ROBO2: variants seen among roughly 807,000 people sequenced by gnomAD.
ROBO2 encodes the protein roundabout homolog 2.
ROBO2 carries 53 observed loss-of-function variants against 160.8 expected under a neutral mutation model. The ratio of observed to expected loss-of-function variants is 0.33; its 90% CI spans 0.26 to 0.41. ROBO2 has a LOEUF of 0.41. Among genes scored for constraint, ROBO2 ranks in the 10% least tolerant of loss-of-function variants. ROBO2 has a pLI of 1.00. For synonymous variants in ROBO2, 664 were observed against 611.7 expected (o/e 1.09, Z -1.26); for missense variants, 1,577 against 1,722.4 (o/e 0.92, Z 1.49).
At chr3:77,648,269 C>T (rs1007222424) in exon 26 of ROBO2, 3 of 152,094 alleles carry the variant, frequency 2.0e-5, no homozygotes, top group African/African-American at 7.2e-5. Flanking sequence ...TTTGTGTTCC[C>T]TCTTTATGTT....
intron 2 of ROBO2, among the ~76,000 whole-genome samples, chr3:76,764,144 T>C (rs1211438730): frequency 1.3e-5 from 2 of 151,716 alleles, no homozygotes; most frequent in Non-Finnish European, 3.0e-5. Flanking sequence ...CTTTGAGAAT[T>C]AGAATATAGA....
At chr3:77,276,809 C>T (rs2059859213) in intron 2 of ROBO2, among the ~76,000 whole-genome samples, 1 of 152,140 alleles carries the variant, frequency 6.6e-6, no homozygotes, top group Non-Finnish European at 1.5e-5. Context: ...GGAGACCTCA[C>T]AATCATGGCA....
intron 2 of ROBO2, among the ~76,000 whole-genome samples, chr3:76,567,294 T>C (rs2084589542): frequency 6.6e-6 from 1 of 152,122 alleles, no homozygotes; most frequent in Non-Finnish European, 1.5e-5. Flanking sequence ...TTACGAGCAT[T>C]CTATTTTGTG....
intron 23 of ROBO2, chr3:77,629,282 T>G (rs953738431): frequency 2.0e-5 from 3 of 152,140 alleles, no homozygotes; most frequent in Non-Finnish European, 4.4e-5. Context: ...ATTTCTTTAG[T>G]GATGCTACCG....
At chr3:76,642,105 T>A (rs1014857530) in intron 2 of ROBO2, among the ~76,000 whole-genome samples, 1 of 152,094 alleles carries the variant, frequency 6.6e-6, no homozygotes, top group African/African-American at 2.4e-5. Context: ...TTAAAATTAT[T>A]TCCAAACTAA....
At chr3:76,107,836 C>G (rs2070017037) in intron 2 of ROBO2, among the ~76,000 whole-genome samples, 1 of 151,974 alleles carries the variant, frequency 6.6e-6, no homozygotes, top group Admixed American at 6.6e-5. Flanking sequence ...ATTAGAAACT[C>G]AAAGTTAATA....
At chr3:76,583,217 CTA>C (rs1366434456) in intron 2 of ROBO2, among the ~76,000 whole-genome samples, 1 of 152,134 alleles carries the variant, frequency 6.6e-6, no homozygotes, top group Non-Finnish European at 1.5e-5. Flanking sequence ...AATGTTTTAA[CTA>C]TGTGTTTCCA....
intron 2 of ROBO2, among the ~76,000 whole-genome samples, chr3:76,439,681 A>G (rs1428653839): frequency 6.6e-6 from 1 of 152,176 alleles, no homozygotes; most frequent in Non-Finnish European, 1.5e-5. Flanking sequence ...ATATTCTACA[A>G]TTTCTTGTAA....
intron 2 of ROBO2, among the ~76,000 whole-genome samples, chr3:76,949,941 T>C (rs543862098): frequency 2.0e-5 from 3 of 152,232 alleles, no homozygotes; most frequent in Admixed American, 2.0e-4. Context: ...TCAACCTATA[T>C]AAGATACATC....
chr3:76,049,623 A>G (rs1261703546), intron 2 of ROBO2, among the ~76,000 whole-genome samples: 1 of 151,784 alleles, frequency 6.6e-6, no homozygotes, highest in Non-Finnish European at 1.5e-5. Flanking sequence ...TTTTCTAAGT[A>G]AAGTTATTTA....
In ROBO2 at chr3:77,639,515, T is replaced by G. The variant is rs76833929; in HGVS notation, c.3934+4472T>G. Among the ~76,000 whole-genome samples the G allele has an allele frequency of 7.0e-3, 1,058 of 152,120 alleles. 11 individuals are homozygous for G. The highest frequency in any genetic ancestry group is 0.024 in the African/African-American group (995 of 41,504). ...CATTTCAGAAAAGACTGGAATAACA[T>G]AAGCAAAAAAGTAATGCTGATATCT... On this transcript the variant is annotated intron_variant, in intron 24 of 25. Transcript: ENST00000461745.
intron 2 of ROBO2, among the ~76,000 whole-genome samples, chr3:76,528,503 G>A (rs898217294): frequency 6.6e-6 from 1 of 152,064 alleles, no homozygotes; most frequent in South Asian, 2.1e-4. Flanking sequence ...TGGTTTGCCT[G>A]AACAACTGGC....
chr3:77,044,467 T>C (rs2064426968), intron 1 of ROBO2, among the ~76,000 whole-genome samples: 1 of 152,202 alleles, frequency 6.6e-6, no homozygotes, highest in Admixed American at 6.5e-5. Flanking sequence ...CTCCTTTTTC[T>C]CCTTTTTTTC....
intron 2 of ROBO2, among the ~76,000 whole-genome samples, chr3:76,994,203 C>T (rs2060858084): frequency 6.6e-6 from 1 of 151,880 alleles, no homozygotes; most frequent in African/African-American, 2.4e-5. Flanking sequence ...AAATATCTTT[C>T]ACTTGCTGTG....
intron 2 of ROBO2, among the ~76,000 whole-genome samples, chr3:76,476,704 A>C (rs1266589379): frequency 6.6e-6 from 1 of 152,180 alleles, no homozygotes; most frequent in Non-Finnish European, 1.5e-5. Flanking sequence ...TTATAGCTGG[A>C]CAGAGGGCTA....
At position 76,765,089 on chromosome 3, in the gene ROBO2, G is replaced by A. The variant is rs560067956; in HGVS notation, c.110-332925G>A. 7.8e-4 allele frequency among the ~76,000 whole-genome samples: 119 copies of A among 151,642 alleles called. 1 individual carries two copies. The highest frequency in any genetic ancestry group is 2.8e-3 in the African/African-American group (117 of 41,466). On this transcript the variant is annotated intron_variant, in intron 2 of 26. Coordinates refer to the ROBO2 transcript ENST00000487694. The stretch of plus-strand genomic sequence containing the variant: ...CCTTCCACCCTCTGCAGTCTCTAAT[G>A]TCTATTGTTCCACTCTGTATGTCCA...
chr3:76,965,458 C>A (rs2079996115), intron 2 of ROBO2, among the ~76,000 whole-genome samples: 1 of 152,124 alleles, frequency 6.6e-6, no homozygotes, highest in South Asian at 2.1e-4. Context: ...CCAATTGTTG[C>A]ATACATAGCT....
chr3:76,228,086 T>C (rs1240395731), intron 2 of ROBO2, among the ~76,000 whole-genome samples: 2 of 152,186 alleles, frequency 1.3e-5, no homozygotes, highest in Non-Finnish European at 1.5e-5. Context: ...ATACCCTAAT[T>C]TGAAATAAAA....
chr3:77,558,657 C>T (rs969549229), intron 9 of ROBO2, among the ~76,000 whole-genome samples: 6 of 151,972 alleles, frequency 3.9e-5, no homozygotes, highest in African/African-American at 1.4e-4. Flanking sequence ...TAGATTTAAA[C>T]CCATGGAAAG....
Sources: gnomAD v4.1 joint callset for allele counts (sites outside exome capture counted in the v4.1 genomes callset) on GRCh38, gnomAD v4.1.1 for gene constraint, MANE v1.5 for transcripts, NCBI Gene and HGNC (gene_info 2026-07-23, HGNC 2026-07-21) for gene names.